The following MAGI1 variants were observed in gnomAD, a reference collection of about 807,000 sequenced individuals.
The protein encoded by MAGI1 is membrane associated guanylate kinase, WW and PDZ domain containing 1.
In MAGI1, 58 loss-of-function variants were observed where a neutral mutation model predicts 139.9. The observed-to-expected ratio is 0.41, with a 90% CI of 0.34 to 0.52. MAGI1 has a LOEUF of 0.52. MAGI1 is among the 20% of genes least tolerant of loss of function. The pLI is 0.12. For synonymous variants in MAGI1, 812 were observed against 737.9 expected (o/e 1.10, Z -1.63); for missense variants, 1,874 against 1,901.6 (o/e 0.99, Z 0.27).
chr3:65,630,751 T>G (rs1376238347), intron 1 of MAGI1, among the ~76,000 whole-genome samples: 1 of 152,182 alleles, frequency 6.6e-6, no homozygotes, highest in African/African-American at 2.4e-5. Context: ...GACTACACAC[T>G]GGGTGCCGTG....
At chr3:65,982,271 G>C (rs1178133534) in intron 1 of MAGI1, among the ~76,000 whole-genome samples, 1 of 152,206 alleles carries the variant, frequency 6.6e-6, no homozygotes, top group Non-Finnish European at 1.5e-5. Context: ...AGACTGGCCT[G>C]GGGTTTTAAT....
intron 1 of MAGI1, among the ~76,000 whole-genome samples, chr3:66,025,875 C>G (rs889734079): frequency 2.6e-5 from 4 of 152,074 alleles, no homozygotes; most frequent in Non-Finnish European, 5.9e-5. Flanking sequence ...CAGGAAAATA[C>G]ATAAGCTGTG....
chr3:65,624,722 G>A (rs1394065992), intron 1 of MAGI1, among the ~76,000 whole-genome samples: 1 of 152,132 alleles, frequency 6.6e-6, no homozygotes, highest in Non-Finnish European at 1.5e-5. Flanking sequence ...AGAAAACAGG[G>A]TGAAGGACTT....
At position 66,038,024 on chromosome 3, in the gene MAGI1, C is replaced by G; in HGVS notation, c.285G>C (p.Glu95Asp). 1 of 1,599,556 alleles carries G rather than the reference C, an allele frequency of 6.3e-7. No homozygotes were observed. The highest frequency in any genetic ancestry group is 8.5e-7 in the Non-Finnish European group (1 of 1,171,964). The change falls in exon 1 of 23, where the codon GAG becomes GAC. Residue 95 changes from glutamate to aspartate, a missense_variant. Glu to Asp is a conservative substitution (Grantham distance 45, BLOSUM62 2). Transcript: ENST00000402939. ...GTCTGACGGCCTTGAAGGTGACGGC[C>G]TCCTTGCAGCTGTCGATGACCCCCA... ...DVLGVIDSCK[E>D]AVTFKAVRQG...
chr3:65,603,045 T>C (rs1231455751), intron 2 of MAGI1, among the ~76,000 whole-genome samples: 1 of 152,068 alleles, frequency 6.6e-6, no homozygotes, highest in Non-Finnish European at 1.5e-5. Flanking sequence ...TAAGAAGCAA[T>C]AGAAAATGTG....
rs185438005 is a variant in MAGI1, at chr3:65,644,749, G to A, written c.314-22661C>T. ...ACAGTGGCTCACGCCTGTAATCCCA[G>A]CACTTTGGGAGGCTGAGGCAGATGG... On this transcript the variant is annotated intron_variant, in intron 1 of 22. Coordinates refer to ENST00000402939, the MANE Select transcript of MAGI1 (RefSeq NM_001033057.2). Among the ~76,000 whole-genome samples, 555 of 152,220 alleles carry A rather than the reference G, an allele frequency of 3.6e-3. 6 individuals carry two copies. Among genetic ancestry groups the A allele is most frequent in the African/African-American group, 0.013 (534 of 41,544 alleles).
At chr3:65,667,359 G>A (rs2086596033) in intron 1 of MAGI1, among the ~76,000 whole-genome samples, 1 of 152,048 alleles carries the variant, frequency 6.6e-6, no homozygotes, top group South Asian at 2.1e-4. Flanking sequence ...AGAATTCCAC[G>A]GTGGCCGATT....
At chr3:65,434,277 T>C (rs770828377) in intron 10 of MAGI1, among the ~76,000 whole-genome samples, 4 of 152,112 alleles carry the variant, frequency 2.6e-5, no homozygotes, top group Non-Finnish European at 5.9e-5. Context: ...GAAACAACCA[T>C]GGCAGATAAT....
intron 22 of MAGI1, chr3:65,360,749 A>G: frequency 9.9e-7 from 1 of 1,008,810 alleles, no homozygotes; most frequent in Non-Finnish European, 1.2e-6. Flanking sequence ...AATCTCTCAA[A>G]ATTTCATGCC....
chr3:65,586,978 C>T (rs2081713491), intron 2 of MAGI1, among the ~76,000 whole-genome samples: 1 of 152,260 alleles, frequency 6.6e-6, no homozygotes, highest in African/African-American at 2.4e-5. Context: ...AGGCTTGCTG[C>T]TTTCCCATTA....
chr3:65,500,057 A>G (rs551315300), intron 2 of MAGI1, among the ~76,000 whole-genome samples: 1 of 152,178 alleles, frequency 6.6e-6, no homozygotes, highest in Non-Finnish European at 1.5e-5. Flanking sequence ...CGACTTATAG[A>G]CTCCAGCTGA....
intron 14 of MAGI1, among the ~76,000 whole-genome samples, chr3:65,386,685 A>G (rs1943470906): frequency 6.6e-6 from 1 of 152,306 alleles, no homozygotes; most frequent in East Asian, 1.9e-4. Context: ...AGGTAGAACC[A>G]TTTTCCCAAT....
At chr3:65,670,568 G>A (rs1166890425) in intron 1 of MAGI1, among the ~76,000 whole-genome samples, 2 of 152,026 alleles carry the variant, frequency 1.3e-5, no homozygotes, top group African/African-American at 2.4e-5. Flanking sequence ...GACTACAGAA[G>A]AATTATAACA....
At chr3:65,515,611 A>G (rs1410297548) in intron 2 of MAGI1, among the ~76,000 whole-genome samples, 1 of 152,198 alleles carries the variant, frequency 6.6e-6, no homozygotes, top group Non-Finnish European at 1.5e-5. Context: ...AGAATCTACG[A>G]AAGAACACAA....
At chr3:65,722,451 T>C (rs1005684177) in intron 1 of MAGI1, among the ~76,000 whole-genome samples, 1 of 148,950 alleles carries the variant, frequency 6.7e-6, no homozygotes, top group Non-Finnish European at 1.5e-5. Context: ...CTTGGCAACA[T>C]GGCAAAACCT....
At chr3:65,847,676 C>G (rs190483603) in intron 1 of MAGI1, among the ~76,000 whole-genome samples, 189 of 152,306 alleles carry the variant, frequency 1.2e-3, no homozygotes, top group African/African-American at 4.4e-3. Flanking sequence ...ATTCAACTAT[C>G]ATTCATTCAT....
At chr3:65,523,427 G>C (rs1368184799) in intron 2 of MAGI1, among the ~76,000 whole-genome samples, 1 of 151,052 alleles carries the variant, frequency 6.6e-6, no homozygotes, top group African/African-American at 2.4e-5. Context: ...GGGAGGCGAA[G>C]AGAGGGAGGC....
At chr3:65,687,776 T>C in intron 1 of MAGI1, 4 of 566,684 alleles carry the variant, frequency 7.1e-6, no homozygotes, top group Non-Finnish European at 1.4e-5. Context: ...ATGCCTACCA[T>C]GCTGACGAAA....
At chr3:65,377,460 G>T (rs1170922479) in intron 17 of MAGI1, among the ~76,000 whole-genome samples, 3 of 152,190 alleles carry the variant, frequency 2.0e-5, no homozygotes, top group Non-Finnish European at 4.4e-5. Context: ...AACAATCAAA[G>T]ACCAAATTGT....
Sources: gnomAD v4.1 joint callset for allele counts (sites outside exome capture counted in the v4.1 genomes callset) on GRCh38, gnomAD v4.1.1 for gene constraint, MANE v1.5 for transcripts, NCBI Gene and HGNC (gene_info 2026-07-23, HGNC 2026-07-21) for gene names.